BEND6: variants seen among roughly 807,000 people sequenced by gnomAD.
The protein encoded by BEND6 is BEN domain-containing protein 6.
Under a neutral mutation model 31.8 loss-of-function variants are expected in BEND6, and 24 were observed. The ratio of observed to expected loss-of-function variants is 0.75; its 90% CI spans 0.55 to 1.06. The LOEUF (loss-of-function observed/expected upper bound fraction) is 1.06, where lower values mean the gene tolerates loss of function less well. BEND6 is among the 50% of genes least tolerant of loss of function. The pLI is 0.00. For missense variants in BEND6, 294 were observed against 327.4 expected (o/e 0.90, Z 0.79); for synonymous variants, 109 against 114.6 (o/e 0.95, Z 0.31).
chr6:56,964,183 TCAGA>T (rs777817134), intron 1 of BEND6, among the ~76,000 whole-genome samples: 14 of 152,012 alleles, frequency 9.2e-5, no homozygotes, highest in Non-Finnish European at 1.6e-4. Context: ...GGATTATGAA[TCAGA>T]CAGTTTGGCT....
intron 1 of BEND6, among the ~76,000 whole-genome samples, chr6:56,957,707 A>C (rs760341598): frequency 6.6e-6 from 1 of 152,256 alleles, no homozygotes; most frequent in African/African-American, 2.4e-5. Context: ...ATGAAAATTC[A>C]TAATGGAAAA....
chr6:56,956,302 G>C (rs1824952635), intron 1 of BEND6, among the ~76,000 whole-genome samples: 2 of 152,322 alleles, frequency 1.3e-5, no homozygotes, highest in Middle Eastern at 3.4e-3. Context: ...TTGAAAAGCA[G>C]GTAAATAATT....
intron 2 of BEND6, among the ~76,000 whole-genome samples, chr6:56,991,837 T>A (rs1231854456): frequency 6.6e-6 from 1 of 151,938 alleles, no homozygotes; most frequent in African/African-American, 2.4e-5. Context: ...TACCCCACAC[T>A]CCCCTCCACA....
At chr6:56,998,677 T>C (rs1826815096) in intron 3 of BEND6, among the ~76,000 whole-genome samples, 1 of 150,144 alleles carries the variant, frequency 6.7e-6, no homozygotes, top group African/African-American at 2.5e-5. Context: ...AAGAAAACAT[T>C]GGGAAATGCT....
chr6:57,004,365 G>A lies in BEND6; in HGVS notation c.299-10768G>A, dbSNP rs147799850. On this transcript the variant is annotated intron_variant, in intron 3 of 6. Coordinates refer to ENST00000370746, the MANE Select transcript of BEND6 (RefSeq NM_152731.3). ...AAATGTAGGCCAGACTTTCTTCACCGTGGGTCCCCAAGGTTTCCTGCTTCA... is the reference window on the plus strand; with the variant it reads ...AAATGTAGGCCAGACTTTCTTCACCATGGGTCCCCAAGGTTTCCTGCTTCA... Among the ~76,000 whole-genome samples the A allele has an allele frequency of 6.6e-5, 10 of 152,254 alleles. No individual in the cohort carries two copies. The East Asian group carries it at 1.5e-3, about 24-fold the overall frequency.
At chr6:56,969,529 C>T (rs1001241016) in intron 1 of BEND6, among the ~76,000 whole-genome samples, 1 of 152,142 alleles carries the variant, frequency 6.6e-6, no homozygotes, top group Non-Finnish European at 1.5e-5. Context: ...TATGTCTATA[C>T]ATTTCAAAAC....
chr6:56,957,982 G>T (rs1053400270), intron 1 of BEND6, among the ~76,000 whole-genome samples: 2 of 152,106 alleles, frequency 1.3e-5, no homozygotes, highest in African/African-American at 2.4e-5. Context: ...CCAAAATGGG[G>T]CATCTTATTC....
At chr6:57,014,877 A>G (rs780838668) in intron 3 of BEND6, among the ~76,000 whole-genome samples, 1 of 152,252 alleles carries the variant, frequency 6.6e-6, no homozygotes. Context: ...TTTTAGTTAC[A>G]AAGTAATGCA....
intron 5 of BEND6, 62 bp downstream of exon 5, chr6:57,017,461 A>G (rs1344711867): frequency 4.2e-6 from 5 of 1,202,106 alleles, no homozygotes; most frequent in Admixed American, 3.2e-5. Context: ...ACTCAAGGTC[A>G]AGATAGTCTT....
chr6:56,981,165 A>G (rs1335974689), intron 1 of BEND6, among the ~76,000 whole-genome samples: 1 of 152,174 alleles, frequency 6.6e-6, no homozygotes, highest in African/African-American at 2.4e-5. Context: ...TTATGAAAAT[A>G]CTATTGCCCT....
At chr6:57,021,381 A>G (rs1019716544) in intron 6 of BEND6, among the ~76,000 whole-genome samples, 1 of 152,206 alleles carries the variant, frequency 6.6e-6, no homozygotes, top group Admixed American at 6.5e-5. Flanking sequence ...ATATTCTTTG[A>G]AAAACTTACT....
At chr6:56,963,917 C>G (rs1257429330) in intron 1 of BEND6, among the ~76,000 whole-genome samples, 2 of 146,834 alleles carry the variant, frequency 1.4e-5, no homozygotes, top group African/African-American at 4.9e-5. Context: ...TAATAATATA[C>G]TTCGTTATAA....
intron 2 of BEND6, among the ~76,000 whole-genome samples, chr6:56,989,866 C>G (rs1826427029): frequency 6.6e-6 from 1 of 152,050 alleles, no homozygotes; most frequent in Admixed American, 6.6e-5. Context: ...TTTTCACTTT[C>G]TTTAATGTGC....
intron 5 of BEND6, among the ~76,000 whole-genome samples, chr6:57,018,026 G>A (rs1391601235): frequency 6.6e-6 from 1 of 152,212 alleles, no homozygotes; most frequent in Non-Finnish European, 1.5e-5. Context: ...GGTGGCTCAT[G>A]CCTGTAATCC....
intron 5 of BEND6, 90 bp downstream of exon 5, chr6:57,017,489 T>C (rs1827604599): frequency 9.4e-7 from 1 of 1,062,850 alleles, no homozygotes; most frequent in Non-Finnish European, 1.2e-6. Context: ...CCTTTTATTT[T>C]TTAAAGTTTA....
At chr6:57,019,553 T>G (rs1417731703) in intron 6 of BEND6, among the ~76,000 whole-genome samples, 2 of 152,196 alleles carry the variant, frequency 1.3e-5, no homozygotes, top group Non-Finnish European at 2.9e-5. Flanking sequence ...TTAAATGAGA[T>G]GTGGAGCTGA....
At chr6:57,006,994 A>C (rs1221133204) in intron 3 of BEND6, among the ~76,000 whole-genome samples, 1 of 152,188 alleles carries the variant, frequency 6.6e-6, no homozygotes, top group African/African-American at 2.4e-5. Context: ...AGTCTCTTTA[A>C]TAAATGGTGC....
intron 6 of BEND6, among the ~76,000 whole-genome samples, chr6:57,025,505 A>T (rs1222945630): frequency 1.3e-5 from 2 of 152,086 alleles, no homozygotes; most frequent in African/African-American, 2.4e-5. Context: ...TGAATGGGGG[A>T]TGTCCCAAAG....
At chr6:56,978,028 G>A (rs1325063454) in intron 1 of BEND6, among the ~76,000 whole-genome samples, 9 of 151,810 alleles carry the variant, frequency 5.9e-5, no homozygotes, top group South Asian at 2.1e-4. Context: ...GCTTTGGGAG[G>A]CCAAAGCAGA....
Sources: gnomAD v4.1 joint callset for allele counts (sites outside exome capture counted in the v4.1 genomes callset) on GRCh38, gnomAD v4.1.1 for gene constraint, MANE v1.5 for transcripts, NCBI Gene and HGNC (gene_info 2026-07-23, HGNC 2026-07-21) for gene names.